Variants in ZNF609 observed in about 807,000 individuals in gnomAD.
ZNF609 encodes the protein zinc finger protein 609.
A neutral mutation model predicts 109.5 loss-of-function variants in ZNF609; 11 were observed. The observed-to-expected ratio is 0.10, with a 90% CI of 0.06 to 0.17. The LOEUF is 0.17. ZNF609 is among the 10% of genes least tolerant of loss of function. The pLI is 1.00. For synonymous variants in ZNF609, 646 were observed against 662.0 expected, an observed-to-expected ratio of 0.98 and a Z score of 0.37; for missense variants, 1,559 against 1,772.4, an observed-to-expected ratio of 0.88 and a Z score of 2.16.
intron 3 of ZNF609, among the ~76,000 whole-genome samples, chr15:64,657,450 C>T (rs553324453): frequency 6.6e-6 from 1 of 150,816 alleles, no homozygotes; most frequent in African/African-American, 2.4e-5. Context: ...CCCGTCTCTA[C>T]TGAAAATACA....
At chr15:64,634,069 CAT>C (rs774014385) in intron 3 of ZNF609, among the ~76,000 whole-genome samples, 1 of 151,602 alleles carries the variant, frequency 6.6e-6, no homozygotes, top group African/African-American at 2.4e-5. Flanking sequence ...CACAGACATG[CAT>C]ATATATATGT....
chr15:64,671,335 G>A (rs945701628), intron 4 of ZNF609: 3 of 151,964 alleles, frequency 2.0e-5, no homozygotes, highest in African/African-American at 4.8e-5. Flanking sequence ...CTGCACAAGG[G>A]TGACATGCAG....
chr15:64,648,060 T>C (rs1026490784), intron 3 of ZNF609, among the ~76,000 whole-genome samples: 6 of 152,204 alleles, frequency 3.9e-5, no homozygotes, highest in African/African-American at 1.4e-4. Context: ...CCTACAGGTG[T>C]TGATGTCTTT....
At chr15:64,468,115 C>G (rs1485762035) in intron 1 of ZNF609, among the ~76,000 whole-genome samples, 2 of 151,634 alleles carry the variant, frequency 1.3e-5, no homozygotes, top group African/African-American at 4.8e-5. Flanking sequence ...CTCCTGAGCT[C>G]AAGCAATTCT....
At chr15:64,558,600 A>G (rs898780232) in intron 2 of ZNF609, among the ~76,000 whole-genome samples, 2 of 152,180 alleles carry the variant, frequency 1.3e-5, no homozygotes, top group Admixed American at 6.5e-5. Context: ...TTGTGTTGCC[A>G]CAGATTCCTG....
At position 64,499,837 on chromosome 15, in the gene ZNF609, C is replaced by T; in HGVS notation, c.418C>T (p.Pro140Ser). The T allele has an allele frequency of 6.2e-7, 1 of 1,613,990 alleles. No individual in the cohort carries two copies. The highest frequency in any genetic ancestry group is 8.5e-7 in the Non-Finnish European group (1 of 1,179,994). ...NAGGLVAAIA[P>S]KGSEKAAKAS... The stretch of plus-strand genomic sequence containing the variant: ...TGGAGGCCTGGTTGCTGCTATTGCT[C>T]CCAAGGGCTCAGAGAAGGCGGCTAA... Residue 140 changes from proline (P) to serine (S), a missense_variant, in exon 2 of 10, where the codon CCC becomes TCC. Physicochemically the swap from Pro to Ser is moderately conservative, Grantham distance 74 (BLOSUM62 -1). This residue lies in a region of ZNF609 where 291 missense variants were observed against 317.8 expected (regional missense o/e 0.92). Coordinates refer to ENST00000326648, the MANE Select transcript of ZNF609 (RefSeq NM_015042.2).
intron 2 of ZNF609, among the ~76,000 whole-genome samples, chr15:64,584,467 AT>A (rs1006991531): frequency 4.0e-5 from 6 of 151,780 alleles, no homozygotes; most frequent in African/African-American, 1.5e-4. Flanking sequence ...TCCCTGGCTC[AT>A]TTTTGTATTT....
intron 3 of ZNF609, among the ~76,000 whole-genome samples, chr15:64,655,032 C>T (rs1232896284): frequency 1.4e-5 from 2 of 146,812 alleles, no homozygotes; most frequent in East Asian, 2.0e-4. Flanking sequence ...GGAGGCAGAG[C>T]TTGCAGTGAA....
chr15:64,603,867 C>T (rs1871380115), intron 2 of ZNF609, among the ~76,000 whole-genome samples: 1 of 151,536 alleles, frequency 6.6e-6, no homozygotes, highest in South Asian at 2.1e-4. Flanking sequence ...GGCATGCTGG[C>T]GGGCACCTGT....
At chr15:64,556,510 C>A (rs955059745) in intron 2 of ZNF609, among the ~76,000 whole-genome samples, 2 of 152,130 alleles carry the variant, frequency 1.3e-5, no homozygotes, top group Non-Finnish European at 2.9e-5. Flanking sequence ...TCATGACAAT[C>A]AGATATTATC....
chr15:64,553,005 G>A (rs138232503), intron 2 of ZNF609, among the ~76,000 whole-genome samples: 2 of 152,138 alleles, frequency 1.3e-5, no homozygotes, highest in Admixed American at 6.5e-5. Context: ...GTCCAGCACT[G>A]TTTAAAAAAC....
chr15:64,596,702 C>T (rs1051658612), intron 2 of ZNF609, among the ~76,000 whole-genome samples: 2 of 152,164 alleles, frequency 1.3e-5, no homozygotes, highest in Non-Finnish European at 2.9e-5. Flanking sequence ...CAGTCCCTTT[C>T]GTTTACCACC....
intron 3 of ZNF609, chr15:64,654,024 GT>G (rs1244904597): frequency 6.6e-6 from 1 of 152,112 alleles, no homozygotes; most frequent in Non-Finnish European, 1.5e-5. Flanking sequence ...TATTTTACAA[GT>G]TCACTATATC....
chr15:64,623,419 G>A (rs1032146353), intron 3 of ZNF609, among the ~76,000 whole-genome samples: 1 of 152,190 alleles, frequency 6.6e-6, no homozygotes, highest in African/African-American at 2.4e-5. Context: ...AGCTGAGGGA[G>A]TCAAGAGGAT....
At chr15:64,550,269 T>C (rs1477132380) in intron 2 of ZNF609, among the ~76,000 whole-genome samples, 1 of 152,200 alleles carries the variant, frequency 6.6e-6, no homozygotes, top group Non-Finnish European at 1.5e-5. Flanking sequence ...ATCTTCTTTG[T>C]AGAAATATCT....
At chr15:64,614,903 C>G (rs1310605147) in intron 2 of ZNF609, among the ~76,000 whole-genome samples, 9 of 144,530 alleles carry the variant, frequency 6.2e-5, no homozygotes, top group African/African-American at 2.3e-4. Context: ...ACTGCAACCT[C>G]TGCCTCCCGG....
intron 6 of ZNF609, among the ~76,000 whole-genome samples, chr15:64,679,366 G>A (rs918614361): frequency 1.1e-4 from 17 of 152,086 alleles, no homozygotes; most frequent in African/African-American, 2.2e-4. Context: ...CCACCGCTCC[G>A]GCCTTAAATG....
chr15:64,561,402 A>T (rs566414639), intron 2 of ZNF609, among the ~76,000 whole-genome samples: 1 of 152,068 alleles, frequency 6.6e-6, no homozygotes, highest in African/African-American at 2.4e-5. Context: ...AATATAGCAA[A>T]CCAAAATAGG....
chr15:64,680,781 C>T lies in ZNF609; in HGVS notation c.4081C>T (p.Arg1361Cys), dbSNP rs1381024670. The T allele has an allele frequency of 1.2e-6, 2 of 1,613,638 alleles. No homozygotes were observed. The highest frequency in any genetic ancestry group is 1.7e-6 in the Non-Finnish European group (2 of 1,180,004). The change falls in exon 8 of 10, where the codon CGC becomes TGC. Residue 1361 changes from arginine (R) to cysteine (C), a missense_variant. By Grantham distance (180) the Arg-to-Cys change is radical. Around this residue, in one of 4 missense-constraint regions of ZNF609, gnomAD observed 1,204 missense variants for 1,314.1 expected, o/e 0.92. Coordinates refer to ENST00000326648, the MANE Select transcript of ZNF609 (RefSeq NM_015042.2). Reference protein sequence around the residue: ...VDRPRTSPSQRLMSTHHHHHH... With the variant: ...VDRPRTSPSQCLMSTHHHHHH... ...CCGGCCCCGCACCTCTCCTTCCCAG[C>T]GCCTGATGTCCACACACCACCACCA...
Sources: gnomAD v4.1 joint callset for allele counts (sites outside exome capture counted in the v4.1 genomes callset) on GRCh38, gnomAD v4.1.1 for gene constraint, gnomAD v4.1.1 regional missense constraint, MANE v1.5 for transcripts, NCBI Gene and HGNC (gene_info 2026-07-23, HGNC 2026-07-21) for gene names.